Variants in EBF2 observed in about 807,000 individuals in gnomAD.
EBF2 encodes the protein EBF transcription factor 2.
EBF2 carries 21 observed loss-of-function variants against 72.8 expected under a neutral mutation model. The observed-to-expected ratio is 0.29, with a 90% CI of 0.20 to 0.42. The LOEUF (loss-of-function observed/expected upper bound fraction) is 0.42, where lower values mean the gene tolerates loss of function less well. Among genes scored for constraint, EBF2 ranks in the 10% least tolerant of loss-of-function variants. The pLI, the probability that EBF2 is intolerant of heterozygous loss-of-function variation, is 1.00. For synonymous variants in EBF2, 299 were observed against 274.2 expected (o/e 1.09, Z -0.89); for missense variants, 637 against 731.2 (o/e 0.87, Z 1.49).
At chr8:25,974,886 G>GTA (rs1221873017) in intron 6 of EBF2, among the ~76,000 whole-genome samples, 1 of 152,164 alleles carries the variant, frequency 6.6e-6, no homozygotes, top group African/African-American at 2.4e-5. Context: ...CGAAGCACCA[G>GTA]TATTCCCAGC....
rs1805676221 is a variant in EBF2, at chr8:26,044,843, T to C, written c.17A>G (p.Asp6Gly). The change falls in exon 1 of 16, where the codon GAT (aspartate) becomes GGT (glycine). Residue 6 changes from aspartate (D) to glycine (G), a missense_variant. Physicochemically the swap from Asp to Gly is moderately conservative, Grantham distance 94 (BLOSUM62 -1). Around this residue, in one of 3 missense-constraint regions of EBF2, gnomAD observed 174 missense variants for 161.9 expected, o/e 1.07. Transcript: ENST00000520164. The surrounding 1 kb of genome is among the most constrained non-coding windows in gnomAD (Gnocchi z 4.1). The stretch of plus-strand genomic sequence containing the variant: ...CAGAGTTGGTCCTCTTCCTAAAGTA[T>C]CTTGAATTCCAAACATTTAAAAAGT... MFGIQ[D>G]TLGRGPTLKE... The C allele has an allele frequency of 4.3e-6, 7 of 1,614,096 alleles. No individual in the cohort carries two copies. In the East Asian group the frequency reaches 1.6e-4, roughly 36 times the overall value.
chr8:25,971,119 G>A (rs1804183141), intron 6 of EBF2, among the ~76,000 whole-genome samples: 1 of 152,174 alleles, frequency 6.6e-6, no homozygotes. Context: ...ACAGGCATGA[G>A]CCACTGCACC....
At chr8:26,008,361 T>A (rs1804915967) in intron 6 of EBF2, among the ~76,000 whole-genome samples, 1 of 152,218 alleles carries the variant, frequency 6.6e-6, no homozygotes, top group Non-Finnish European at 1.5e-5. Flanking sequence ...CCTGCCTTGA[T>A]CACTGTGAGA....
Position 26,044,923 on chromosome 8 carries a change from C to G in EBF2, c.-64G>C. 1 of 1,538,852 alleles carries G rather than the reference C, an allele frequency of 6.5e-7. No individual in the cohort carries two copies. The highest frequency in any genetic ancestry group is 8.8e-7 in the Non-Finnish European group (1 of 1,132,556). On this transcript the variant is annotated 5_prime_UTR_variant, in exon 1 of 16. Coordinates refer to ENST00000520164, the MANE Select transcript of EBF2 (RefSeq NM_022659.4). This position sits in a 1 kb window ranked among gnomAD's most constrained non-coding sequence, Gnocchi z 4.1. Reference sequence around the variant, plus strand: ...GAGTTACAACACAGTCCTGACTGTTCCCAACGTTGCCAGCAAATCGTCTCC... The same window carrying G: ...GAGTTACAACACAGTCCTGACTGTTGCCAACGTTGCCAGCAAATCGTCTCC...
chr8:25,912,466 GCACA>G lies in EBF2; in HGVS notation c.552-3915_552-3912del, dbSNP rs141335310. ...AACACTTCAAAATGGTCTAAAAATG[GCACA>G]CACACACACACACACACACACACAC... On this transcript the variant is annotated intron_variant, in intron 6 of 15. Transcript: ENST00000520164. Among the ~76,000 whole-genome samples, 1,236 of 136,910 alleles carry G rather than the reference GCACA, an allele frequency of 9.0e-3. 14 individuals carry two copies. Among genetic ancestry groups the G allele is most frequent in the African/African-American group, 0.03 (1,086 of 36,402 alleles). 89.8% of individuals were successfully genotyped at this position (136,910 alleles called of 152,430 possible). A position where few individuals can be genotyped will look rare whatever the true frequency, so the allele number is the denominator to read the frequency against.
chr8:25,949,321 G>A (rs1054064662), intron 6 of EBF2, among the ~76,000 whole-genome samples: 5 of 152,218 alleles, frequency 3.3e-5, no homozygotes, highest in African/African-American at 7.2e-5. Context: ...CCTTTTCAGC[G>A]AATGGTTACT....
intron 6 of EBF2, among the ~76,000 whole-genome samples, chr8:26,027,265 G>C (rs866623583): frequency 6.6e-6 from 1 of 152,112 alleles, no homozygotes. Flanking sequence ...GAACAAGTAC[G>C]GCCCAGGGGA....
intron 15 of EBF2, among the ~76,000 whole-genome samples, chr8:25,849,021 T>C (rs1158784731): frequency 6.6e-6 from 1 of 152,124 alleles, no homozygotes; most frequent in Non-Finnish European, 1.5e-5. Flanking sequence ...AAACCACTGG[T>C]CTTTGATGAA....
chr8:25,949,958 A>G (rs900876354), intron 6 of EBF2, among the ~76,000 whole-genome samples: 1 of 152,254 alleles, frequency 6.6e-6, no homozygotes, highest in Non-Finnish European at 1.5e-5. Flanking sequence ...TATTAACCTC[A>G]TCACCTTTAG....
At chr8:25,905,525 T>C (rs1251987690) in intron 7 of EBF2, among the ~76,000 whole-genome samples, 1 of 152,216 alleles carries the variant, frequency 6.6e-6, no homozygotes, top group African/African-American at 2.4e-5. Flanking sequence ...GAAGTATTGA[T>C]ACATGCTATC....
At chr8:25,900,996 AT>A (rs1185815781) in intron 7 of EBF2, among the ~76,000 whole-genome samples, 2 of 152,146 alleles carry the variant, frequency 1.3e-5, no homozygotes, top group Non-Finnish European at 2.9e-5. Context: ...ACGTAGAGAA[AT>A]GATCAATTCT....
chr8:25,857,496 G>T (rs1315919881), intron 14 of EBF2, among the ~76,000 whole-genome samples: 3 of 152,086 alleles, frequency 2.0e-5, no homozygotes, highest in African/African-American at 4.8e-5. Flanking sequence ...CCAGCATTTC[G>T]AGAACACTCT....
chr8:25,957,605 G>A (rs980495704), intron 6 of EBF2, among the ~76,000 whole-genome samples: 1 of 152,218 alleles, frequency 6.6e-6, no homozygotes, highest in Non-Finnish European at 1.5e-5. Context: ...GCTCATGCCT[G>A]TAATCCCAGC....
At chr8:25,928,476 C>T (rs759129908) in intron 6 of EBF2, among the ~76,000 whole-genome samples, 8 of 152,032 alleles carry the variant, frequency 5.3e-5, no homozygotes, top group Non-Finnish European at 1.0e-4. Context: ...CACCTCAGCA[C>T]TAGTCCATGC....
At chr8:25,882,365 CTAA>C (rs1010369870) in intron 10 of EBF2, among the ~76,000 whole-genome samples, 1 of 152,108 alleles carries the variant, frequency 6.6e-6, no homozygotes, top group African/African-American at 2.4e-5. Context: ...CACTTTTTGA[CTAA>C]TAAGATATGG....
chr8:25,991,526 C>T (rs890613245), intron 6 of EBF2, among the ~76,000 whole-genome samples: 4 of 152,014 alleles, frequency 2.6e-5, no homozygotes, highest in African/African-American at 4.8e-5. Context: ...GGAACAAAGA[C>T]TGGAGGGGTC....
chr8:25,937,420 A>G (rs1034930181), intron 6 of EBF2, among the ~76,000 whole-genome samples: 2 of 152,194 alleles, frequency 1.3e-5, no homozygotes, highest in South Asian at 2.1e-4. Flanking sequence ...TTCTCTCTGC[A>G]TTATATATTC....
intron 5 of EBF2, among the ~76,000 whole-genome samples, chr8:26,039,379 C>T (rs369027138): frequency 2.0e-5 from 3 of 152,280 alleles, no homozygotes; most frequent in East Asian, 3.9e-4. Context: ...AGCTGTTGCT[C>T]CACACTCCAG....
At chr8:25,921,322 T>C (rs7834102) in intron 6 of EBF2, among the ~76,000 whole-genome samples, 80,935 of 152,092 alleles carry the variant, frequency 0.53, 24,029 homozygotes, top group East Asian at 0.74. Flanking sequence ...ACTTTCTTTT[T>C]TTTTCCTTAA....
Sources: gnomAD v4.1 joint callset for allele counts (sites outside exome capture counted in the v4.1 genomes callset) on GRCh38, gnomAD v4.1.1 for gene constraint, gnomAD v4.1.1 regional missense constraint, Gnocchi (gnomAD v3.1) non-coding constraint, MANE v1.5 for transcripts, NCBI Gene and HGNC (gene_info 2026-07-23, HGNC 2026-07-21) for gene names.